Variants in SEC14L6 observed in about 807,000 individuals in gnomAD.
SEC14L6 encodes the protein SEC14-like protein 6.
Under a neutral mutation model 54.1 loss-of-function variants are expected in SEC14L6, and 40 were observed. The ratio of observed to expected loss-of-function variants is 0.74; its 90% CI spans 0.57 to 0.96. The LOEUF is 0.96. SEC14L6 is among the 40% of genes least tolerant of loss of function. The pLI is 0.00. For synonymous variants in SEC14L6, 171 were observed against 198.4 expected (o/e 0.86, Z 1.16); for missense variants, 471 against 498.3 (o/e 0.95, Z 0.52).
intron 2 of SEC14L6, among the ~76,000 whole-genome samples, chr22:30,538,328 G>A (rs547852608): frequency 1.4e-4 from 20 of 147,348 alleles, no homozygotes; most frequent in Non-Finnish European, 2.8e-4. Context: ...GTGGGACTCC[G>A]TCTCAACAAA....
chr22:30,525,724 C>T lies in SEC14L6; in HGVS notation c.798G>A (p.Lys266=), dbSNP rs745422563. Residue 266 remains lysine (K), a synonymous_variant, in exon 10 of 12, where the codon AAG becomes AAA. Coordinates refer to ENST00000402034, the MANE Select transcript of SEC14L6 (RefSeq NM_001193336.4). Reference sequence around the variant, plus strand: ...TCACCTGCTTGCACAGGTAGTAGCTCTTGGGCACCTCACCCCCGTAGTTGA... The same window carrying T: ...TCACCTGCTTGCACAGGTAGTAGCTTTTGGGCACCTCACCCCCGTAGTTGA... ...TKINYGGEVP[K]SYYLCKQVRL... The T allele has an allele frequency of 1.2e-6, 2 of 1,613,970 alleles. No individual in the cohort carries two copies. Among genetic ancestry groups the T allele is most frequent in the Non-Finnish European group, 1.7e-6 (2 of 1,179,964 alleles).
chr22:30,536,334 T>A (rs1338942141), intron 2 of SEC14L6, among the ~76,000 whole-genome samples: 1 of 151,844 alleles, frequency 6.6e-6, no homozygotes, highest in Non-Finnish European at 1.5e-5. Context: ...GGTTTCATAG[T>A]GGTTTTCTTA....
intron 3 of SEC14L6, 110 bp downstream of exon 3, chr22:30,533,886 G>A (rs1937062942): frequency 1.9e-6 from 2 of 1,038,318 alleles, no homozygotes; most frequent in South Asian, 1.5e-5. Flanking sequence ...CTCAATGAAT[G>A]GGTGTTCCAT....
intron 8 of SEC14L6, among the ~76,000 whole-genome samples, 192 bp downstream of exon 8, chr22:30,528,895 G>C (rs1936869976): frequency 6.6e-6 from 1 of 151,880 alleles, no homozygotes; most frequent in Non-Finnish European, 1.5e-5. Context: ...AGGAATCTCT[G>C]AGACCCTTCC....
At chr22:30,533,646 T>C (rs1937055905) in intron 3 of SEC14L6, among the ~76,000 whole-genome samples, 1 of 152,048 alleles carries the variant, frequency 6.6e-6, no homozygotes, top group African/African-American at 2.4e-5. Flanking sequence ...CTCAGGGCCT[T>C]TGCATGAGCT....
intron 2 of SEC14L6, among the ~76,000 whole-genome samples, chr22:30,537,424 G>A (rs928951608): frequency 6.6e-6 from 1 of 152,166 alleles, no homozygotes; most frequent in Admixed American, 6.5e-5. Context: ...AGACCAGCCT[G>A]AGCAACATGG....
intron 8 of SEC14L6, among the ~76,000 whole-genome samples, chr22:30,528,469 G>A (rs1260166922): frequency 7.3e-6 from 1 of 136,230 alleles, no homozygotes; most frequent in Middle Eastern, 4.2e-3. Flanking sequence ...TGTCACTCAA[G>A]CTGGAGTTTA....
chr22:30,524,896 C>A lies in SEC14L6; in HGVS notation c.*101G>T. 1 of 694,270 alleles carries A rather than the reference C, an allele frequency of 1.4e-6. No individual in the cohort carries two copies. The highest frequency in any genetic ancestry group is 2.6e-6 in the Non-Finnish European group (1 of 380,512). 43.0% of individuals were successfully genotyped at this position (694,270 alleles called of 1,614,324 possible). Reference sequence around the variant, plus strand: ...AGGCTGTGACCTGCTGTTGTAGAATCCCTGTTCCTGAGAGGTTGAACAGGG... The same window carrying A: ...AGGCTGTGACCTGCTGTTGTAGAATACCTGTTCCTGAGAGGTTGAACAGGG... On this transcript the variant is annotated 3_prime_UTR_variant, in exon 12 of 12. Coordinates refer to ENST00000402034, the MANE Select transcript of SEC14L6 (RefSeq NM_001193336.4).
chr22:30,530,489 T>C (rs1178499016), intron 6 of SEC14L6, among the ~76,000 whole-genome samples: 1 of 151,728 alleles, frequency 6.6e-6, no homozygotes, highest in Non-Finnish European at 1.5e-5. Context: ...CAACCTCGAG[T>C]TTCTGGGCTC....
chr22:30,546,513 T>A, intron 1 of SEC14L6, 116 bp downstream of exon 1: 1 of 912,340 alleles, frequency 1.1e-6, no homozygotes, highest in Non-Finnish European at 1.7e-6. Context: ...CCCTCAGGGT[T>A]GGGAAGAGAC....
At chr22:30,527,921 A>T (rs1601878308) in intron 8 of SEC14L6, among the ~76,000 whole-genome samples, 1 of 151,836 alleles carries the variant, frequency 6.6e-6, no homozygotes, top group East Asian at 1.9e-4. Context: ...TGGGAAAATG[A>T]TTATCATATG....
At chr22:30,528,961 G>T (rs1254721891) in intron 8 of SEC14L6, 126 bp downstream of exon 8, 2 of 781,756 alleles carry the variant, frequency 2.6e-6, no homozygotes, top group African/African-American at 1.7e-5. Context: ...AGCCCACCAG[G>T]CAGTGGGCCC....
intron 7 of SEC14L6, 28 bp downstream of exon 7, chr22:30,529,261 C>T (rs1305503265): frequency 1.1e-5 from 17 of 1,548,680 alleles, no homozygotes; most frequent in Non-Finnish European, 1.3e-5. Context: ...CCCCCCAACT[C>T]ATGCATATCC....
At chr22:30,525,299 C>T in intron 11 of SEC14L6, 51 bp downstream of exon 11, 1 of 1,583,854 alleles carries the variant, frequency 6.3e-7, no homozygotes, top group Non-Finnish European at 8.6e-7. Context: ...CATTGTAGCA[C>T]CCTCCCCCTA....
chr22:30,531,649 G>A (rs374036646), intron 6 of SEC14L6, among the ~76,000 whole-genome samples: 12 of 152,276 alleles, frequency 7.9e-5, no homozygotes, highest in East Asian at 5.8e-4. Context: ...GCTTGAACCC[G>A]GGAGGTGAAG....
At chr22:30,532,025 C>A in intron 5 of SEC14L6, 27 bp from the exon 6 acceptor site, 1 of 1,546,464 alleles carries the variant, frequency 6.5e-7, no homozygotes, top group Non-Finnish European at 8.7e-7. Flanking sequence ...GGGGGTGAGA[C>A]CCTGTGAGGG....
intron 6 of SEC14L6, among the ~76,000 whole-genome samples, chr22:30,530,702 G>A (rs913553755): frequency 6.6e-6 from 1 of 152,218 alleles, no homozygotes; most frequent in African/African-American, 2.4e-5. Context: ...GTGCCTGGTG[G>A]CCAATAACAT....
At chr22:30,536,707 A>G (rs2085605225) in intron 2 of SEC14L6, among the ~76,000 whole-genome samples, 1 of 152,098 alleles carries the variant, frequency 6.6e-6, no homozygotes, top group Non-Finnish European at 1.5e-5. Context: ...AAGGAGGAGG[A>G]GGAGGGAAAG....
intron 2 of SEC14L6, among the ~76,000 whole-genome samples, chr22:30,534,822 C>T (rs1407703221): frequency 6.6e-6 from 1 of 151,986 alleles, no homozygotes; most frequent in Non-Finnish European, 1.5e-5. Flanking sequence ...GTCAGGAGTT[C>T]GAGACCAGCC....
Sources: gnomAD v4.1 joint callset for allele counts (sites outside exome capture counted in the v4.1 genomes callset) on GRCh38, gnomAD v4.1.1 for gene constraint, MANE v1.5 for transcripts, NCBI Gene and HGNC (gene_info 2026-07-23, HGNC 2026-07-21) for gene names.